FARS2: variants seen among roughly 807,000 people sequenced by gnomAD.
FARS2 encodes the protein phenylalanyl-tRNA synthetase 2, mitochondrial.
A neutral mutation model predicts 46.4 loss-of-function variants in FARS2; 40 were observed. The observed-to-expected ratio is 0.86, with a 90% CI of 0.67 to 1.12. The LOEUF (loss-of-function observed/expected upper bound fraction) is 1.12, where lower values mean the gene tolerates loss of function less well. FARS2 is among the 50% of genes most tolerant of loss of function. The probability of loss-of-function intolerance (pLI) is 0.00; values close to 1 mark genes in which losing one functional copy is unlikely to be tolerated. For missense variants in FARS2, 513 were observed against 567.9 expected, an observed-to-expected ratio of 0.90 and a Z score of 0.98; for synonymous variants, 234 against 214.9, an observed-to-expected ratio of 1.09 and a Z score of -0.78.
At chr6:5,643,801 C>T (rs563021104) in intron 6 of FARS2, among the ~76,000 whole-genome samples, 61 of 152,178 alleles carry the variant, frequency 4.0e-4, no homozygotes, top group Admixed American at 8.5e-4. Context: ...ACACTAGGGC[C>T]TGGAAAAGGG....
rs572451048 is a variant in FARS2, at chr6:5,270,858, A to G, written c.-22+9198A>G. ...TCCCCTCTACCCTGGGGACCTTTGC[A>G]AATGCTGATCCAGCTGCCTGGAGTG... is the stretch of plus-strand genomic sequence containing the variant. On this transcript the variant is annotated intron_variant, in intron 1 of 6. Transcript: ENST00000274680. Among the ~76,000 whole-genome samples, 10 of 152,256 alleles carry G rather than the reference A, an allele frequency of 6.6e-5. No homozygotes were observed. The East Asian group carries it at 1.9e-3, about 29-fold the overall frequency.
At chr6:5,495,375 C>A (rs75835525) in intron 4 of FARS2, among the ~76,000 whole-genome samples, 1 of 152,204 alleles carries the variant, frequency 6.6e-6, no homozygotes, top group Non-Finnish European at 1.5e-5. Flanking sequence ...CCTTGGTAAA[C>A]CCCTGTGCTC....
chr6:5,276,160 T>G (rs1029219987), intron 1 of FARS2, among the ~76,000 whole-genome samples: 1 of 152,184 alleles, frequency 6.6e-6, no homozygotes, highest in African/African-American at 2.4e-5. Context: ...TAAAATAAAT[T>G]TTTTAGTTTC....
At chr6:5,584,193 A>G (rs1773494714) in intron 5 of FARS2, among the ~76,000 whole-genome samples, 1 of 150,768 alleles carries the variant, frequency 6.6e-6, no homozygotes, top group Non-Finnish European at 1.5e-5. Flanking sequence ...CCTGCCCGAC[A>G]GCATAAGAAG....
At chr6:5,350,556 C>G (rs1581852021) in intron 1 of FARS2, among the ~76,000 whole-genome samples, 1 of 152,086 alleles carries the variant, frequency 6.6e-6, no homozygotes, top group East Asian at 1.9e-4. Context: ...TCGACAAAAG[C>G]CTGAAAGCAA....
chr6:5,551,415 C>G (rs184495955), intron 5 of FARS2, among the ~76,000 whole-genome samples: 1 of 152,178 alleles, frequency 6.6e-6, no homozygotes, highest in Non-Finnish European at 1.5e-5. Flanking sequence ...CTGTCACAGT[C>G]TATAACATCC....
At chr6:5,753,135 G>A (rs1471502700) in intron 6 of FARS2, among the ~76,000 whole-genome samples, 1 of 151,954 alleles carries the variant, frequency 6.6e-6, no homozygotes, top group Non-Finnish European at 1.5e-5. Context: ...CTTGATTTGA[G>A]GGCAATGAGG....
intron 6 of FARS2, among the ~76,000 whole-genome samples, chr6:5,635,453 C>G (rs770642331): frequency 6.6e-6 from 1 of 152,148 alleles, no homozygotes; most frequent in African/African-American, 2.4e-5. Context: ...GAAGATGTCA[C>G]AAGCTGGGAA....
At chr6:5,396,691 C>T (rs534606364) in intron 2 of FARS2, among the ~76,000 whole-genome samples, 11 of 152,314 alleles carry the variant, frequency 7.2e-5, no homozygotes, top group Non-Finnish European at 1.2e-4. Context: ...AGGAACTGAG[C>T]GCCAGGAGCA....
At position 5,727,075 on chromosome 6, in the gene FARS2, C is replaced by T. The variant is rs1760314395; in HGVS notation, c.1218-44216C>T. On this transcript the variant is annotated intron_variant, in intron 6 of 6. Transcript: ENST00000274680. The surrounding 1 kb of genome is among the most constrained non-coding windows in gnomAD (Gnocchi z 4.1). ...TTCACTTCCACCGTCTGTAAAGGAG[C>T]AATGCCTCTGCAGTACCTACCTTCC... Among the ~76,000 whole-genome samples, 1 of 152,238 alleles carries T rather than the reference C, an allele frequency of 6.6e-6. No individual in the cohort carries two copies. Among genetic ancestry groups the T allele is most frequent in the South Asian group, 2.1e-4 (1 of 4,834 alleles).
At chr6:5,737,721 G>A (rs1203094891) in intron 6 of FARS2, among the ~76,000 whole-genome samples, 1 of 152,042 alleles carries the variant, frequency 6.6e-6, no homozygotes, top group Non-Finnish European at 1.5e-5. Context: ...GAGGTTCCCT[G>A]AGGGCTTTTT....
Position 5,585,350 on chromosome 6 carries a change from C to A in FARS2, c.1066-27819C>A, listed in dbSNP as rs373400211. Among the ~76,000 whole-genome samples the A allele has an allele frequency of 2.6e-5, 4 of 152,050 alleles. No homozygotes were observed. The South Asian group carries it at 6.2e-4, about 24-fold the overall frequency. On this transcript the variant is annotated intron_variant, in intron 5 of 6. Coordinates refer to ENST00000274680, the MANE Select transcript of FARS2 (RefSeq NM_006567.5). Reference sequence around the variant, plus strand: ...ATAGTAAGGACAACTGACGTCTGCTCTCATCAAATTTCAAGTAAACAATAC... The same window carrying A: ...ATAGTAAGGACAACTGACGTCTGCTATCATCAAATTTCAAGTAAACAATAC...
chr6:5,381,244 G>A (rs929019056), intron 2 of FARS2, among the ~76,000 whole-genome samples: 13 of 151,838 alleles, frequency 8.6e-5, no homozygotes, highest in African/African-American at 1.2e-4. Flanking sequence ...TTATCCGCCC[G>A]CCTCGGCCTC....
At chr6:5,704,504 A>T (rs1213204878) in intron 6 of FARS2, among the ~76,000 whole-genome samples, 1 of 152,204 alleles carries the variant, frequency 6.6e-6, no homozygotes, top group Non-Finnish European at 1.5e-5. Flanking sequence ...TTTTCAGCTG[A>T]CATTTAAGTA....
At chr6:5,667,552 A>C (rs935676519) in intron 6 of FARS2, among the ~76,000 whole-genome samples, 4 of 152,088 alleles carry the variant, frequency 2.6e-5, no homozygotes, top group African/African-American at 9.7e-5. Flanking sequence ...TCTTTGTTGA[A>C]TATAACAAAG....
At chr6:5,486,908 A>G (rs78133446) in intron 4 of FARS2, among the ~76,000 whole-genome samples, 1,780 of 152,292 alleles carry the variant, frequency 0.012, 30 homozygotes, top group African/African-American at 0.041. Context: ...GCAATCTCAA[A>G]TGAATCTTTG....
At chr6:5,705,793 A>G (rs1213266993) in intron 6 of FARS2, among the ~76,000 whole-genome samples, 1 of 151,704 alleles carries the variant, frequency 6.6e-6, no homozygotes, top group Admixed American at 6.6e-5. Flanking sequence ...CCCATTCTCC[A>G]CTTTTTGAGC....
chr6:5,275,280 A>G (rs1368476051), intron 1 of FARS2, among the ~76,000 whole-genome samples: 1 of 152,224 alleles, frequency 6.6e-6, no homozygotes, highest in Non-Finnish European at 1.5e-5. Context: ...CACTCCAGTC[A>G]TGACTACTCA....
At chr6:5,606,442 G>T (rs1053576197) in intron 5 of FARS2, among the ~76,000 whole-genome samples, 2 of 151,900 alleles carry the variant, frequency 1.3e-5, no homozygotes, top group African/African-American at 4.8e-5. Flanking sequence ...AAGTGTGAGG[G>T]GTTTCAGACA....
Sources: gnomAD v4.1 joint callset for allele counts (sites outside exome capture counted in the v4.1 genomes callset) on GRCh38, gnomAD v4.1.1 for gene constraint, Gnocchi (gnomAD v3.1) non-coding constraint, MANE v1.5 for transcripts, NCBI Gene and HGNC (gene_info 2026-07-23, HGNC 2026-07-21) for gene names.